BMPR1B: variants seen among roughly 807,000 people sequenced by gnomAD.
BMPR1B encodes the protein bone morphogenetic protein receptor type-1B.
Under a neutral mutation model 59.1 loss-of-function variants are expected in BMPR1B, and 12 were observed. That is an observed-to-expected ratio of 0.20 (90% CI 0.13 to 0.33). The LOEUF (loss-of-function observed/expected upper bound fraction) is 0.33, where lower values mean the gene tolerates loss of function less well. Among genes scored for constraint, BMPR1B ranks in the 10% least tolerant of loss-of-function variants. The pLI is 1.00. For missense variants in BMPR1B, 550 were observed against 610.9 expected (o/e 0.90, Z 1.05); for synonymous variants, 237 against 207.3 (o/e 1.14, Z -1.23).
At chr4:95,078,585 C>T (rs980137281) in intron 3 of BMPR1B, among the ~76,000 whole-genome samples, 3 of 152,158 alleles carry the variant, frequency 2.0e-5, no homozygotes, top group Non-Finnish European at 4.4e-5. Context: ...CAAAGCCATA[C>T]AGCTAATTAG....
intron 3 of BMPR1B, among the ~76,000 whole-genome samples, chr4:95,070,104 T>C (rs992660239): frequency 1.3e-5 from 2 of 151,988 alleles, no homozygotes; most frequent in African/African-American, 4.8e-5. Context: ...GGAAACTCTG[T>C]CACAAAACAA....
At chr4:94,974,374 T>C (rs547269948) in intron 2 of BMPR1B, among the ~76,000 whole-genome samples, 2 of 149,894 alleles carry the variant, frequency 1.3e-5, no homozygotes, top group South Asian at 2.1e-4. Flanking sequence ...TCATTTTTTT[T>C]CATGCTGAAT....
chr4:94,992,668 T>C (rs909840003), intron 2 of BMPR1B, among the ~76,000 whole-genome samples: 1 of 152,226 alleles, frequency 6.6e-6, no homozygotes, highest in Non-Finnish European at 1.5e-5. Context: ...AGAGACTTTT[T>C]ACATTAAGCC....
intron 6 of BMPR1B, among the ~76,000 whole-genome samples, chr4:95,117,759 C>T (rs545606722): frequency 2.8e-4 from 43 of 152,016 alleles, no homozygotes; most frequent in Middle Eastern, 6.8e-3. Flanking sequence ...GCACTGCAGC[C>T]TGGGTGGCAG....
chr4:95,108,484 T>C (rs79128548), intron 4 of BMPR1B, among the ~76,000 whole-genome samples: 2,249 of 152,138 alleles, frequency 0.015, 47 homozygotes, highest in African/African-American at 0.05. Flanking sequence ...CAAGAGTGAA[T>C]AGTACTTAAA....
chr4:95,154,083 A>G (rs1165825451), intron 12 of BMPR1B, among the ~76,000 whole-genome samples: 1 of 152,204 alleles, frequency 6.6e-6, no homozygotes, highest in Non-Finnish European at 1.5e-5. Flanking sequence ...ACCACAGGAG[A>G]AAGTTTTAGT....
At position 95,119,835 on chromosome 4, in the gene BMPR1B, T is replaced by C. The variant is rs149751962; in HGVS notation, c.350-3975T>C. Among the ~76,000 whole-genome samples, 33 of 152,312 alleles carry C rather than the reference T, an allele frequency of 2.2e-4. No homozygotes were observed. The East Asian group carries it at 4.6e-3, about 21-fold the overall frequency. Reference sequence around the variant, plus strand: ...ACCATCATGAAGTTTGGATAAGAAATTCATAGTGGATTTTTGTTTGTAATA... The same window carrying C: ...ACCATCATGAAGTTTGGATAAGAAACTCATAGTGGATTTTTGTTTGTAATA... On this transcript the variant is annotated intron_variant, in intron 6 of 12. Coordinates refer to ENST00000515059, the MANE Select transcript of BMPR1B (RefSeq NM_001203.3).
intron 3 of BMPR1B, among the ~76,000 whole-genome samples, chr4:95,029,282 G>A (rs1470942969): frequency 7.7e-6 from 1 of 129,270 alleles, no homozygotes; most frequent in Non-Finnish European, 1.5e-5. Context: ...AGAGTGTGAT[G>A]TTCTCCTTCC....
intron 2 of BMPR1B, among the ~76,000 whole-genome samples, chr4:94,976,240 T>C (rs1047643070): frequency 1.5e-4 from 23 of 152,332 alleles, no homozygotes; most frequent in African/African-American, 4.3e-4. Context: ...GCTGAATATT[T>C]AAAGAGAGAA....
At chr4:94,759,471 A>G (rs1334494438) in intron 1 of BMPR1B, among the ~76,000 whole-genome samples, 1 of 152,242 alleles carries the variant, frequency 6.6e-6, no homozygotes, top group Non-Finnish European at 1.5e-5. Context: ...TTGCTGTGCT[A>G]AATTGATGCC....
intron 1 of BMPR1B, among the ~76,000 whole-genome samples, chr4:94,772,462 G>T (rs1170552959): frequency 2.0e-5 from 3 of 152,086 alleles, no homozygotes; most frequent in Non-Finnish European, 4.4e-5. Flanking sequence ...GGTTTAAAAT[G>T]ATGTTAAAAG....
chr4:94,981,400 TTTAA>T (rs981062887), intron 2 of BMPR1B, among the ~76,000 whole-genome samples: 15 of 152,146 alleles, frequency 9.9e-5, no homozygotes, highest in African/African-American at 3.4e-4. Context: ...TGGTTGAATT[TTTAA>T]TTAAATTTCT....
At chr4:94,760,643 G>C (rs1303577088) in intron 1 of BMPR1B, among the ~76,000 whole-genome samples, 1 of 152,162 alleles carries the variant, frequency 6.6e-6, no homozygotes, top group Non-Finnish European at 1.5e-5. Context: ...TCAGGCTTCT[G>C]AGTGCCCCTC....
chr4:95,014,797 C>T (rs1363551455), intron 3 of BMPR1B, among the ~76,000 whole-genome samples: 2 of 152,144 alleles, frequency 1.3e-5, no homozygotes, highest in Non-Finnish European at 2.9e-5. Flanking sequence ...TTTCAAGATT[C>T]GGACCTTTTT....
chr4:95,045,673 C>A (rs911064982), intron 3 of BMPR1B, among the ~76,000 whole-genome samples: 1 of 152,112 alleles, frequency 6.6e-6, no homozygotes, highest in African/African-American at 2.4e-5. Flanking sequence ...CAGAATTAAT[C>A]TTTGTTTATT....
intron 2 of BMPR1B, among the ~76,000 whole-genome samples, chr4:94,980,457 T>C (rs573672813): frequency 6.6e-6 from 1 of 152,124 alleles, no homozygotes; most frequent in Non-Finnish European, 1.5e-5. Flanking sequence ...GAAAAAAAAT[T>C]GATTCCCAGC....
At chr4:94,865,645 C>T (rs1312203851) in intron 1 of BMPR1B, among the ~76,000 whole-genome samples, 1 of 152,196 alleles carries the variant, frequency 6.6e-6, no homozygotes, top group African/African-American at 2.4e-5. Context: ...CCTGCCTCAG[C>T]CTCCCAAAGT....
At chr4:94,783,323 A>T (rs886809233) in intron 1 of BMPR1B, among the ~76,000 whole-genome samples, 1 of 152,086 alleles carries the variant, frequency 6.6e-6, no homozygotes, top group African/African-American at 2.4e-5. Flanking sequence ...CTCTTTTCCT[A>T]GTTCTCTATG....
intron 6 of BMPR1B, among the ~76,000 whole-genome samples, chr4:95,122,834 A>G (rs1472291737): frequency 1.3e-5 from 2 of 152,196 alleles, no homozygotes; most frequent in Non-Finnish European, 2.9e-5. Context: ...CGTCTTGTCC[A>G]TAGCATCCAA....
Sources: gnomAD v4.1 joint callset for allele counts (sites outside exome capture counted in the v4.1 genomes callset) on GRCh38, gnomAD v4.1.1 for gene constraint, MANE v1.5 for transcripts, NCBI Gene and HGNC (gene_info 2026-07-23, HGNC 2026-07-21) for gene names.